Variants in CNTNAP4 observed in about 807,000 individuals in gnomAD.
CNTNAP4 encodes contactin-associated protein-like 4.
CNTNAP4 carries 98 observed loss-of-function variants against 148.4 expected under a neutral mutation model. The observed-to-expected ratio is 0.66, with a 90% confidence interval of 0.56 to 0.78. The LOEUF is 0.78. Ranked by LOEUF, CNTNAP4 falls within the 30% of genes least tolerant of loss-of-function variation. CNTNAP4 has a pLI of 0.00. For missense variants in CNTNAP4, 1,935 were observed against 1,565.6 expected, an observed-to-expected ratio of 1.24 and a Z score of -3.98; for synonymous variants, 730 against 565.1, an observed-to-expected ratio of 1.29 and a Z score of -4.14.
At chr16:76,465,414 T>C (rs766458467) in intron 9 of CNTNAP4, among the ~76,000 whole-genome samples, 9 of 152,216 alleles carry the variant, frequency 5.9e-5, no homozygotes, top group Non-Finnish European at 1.2e-4. Context: ...AATTGCCTCA[T>C]GATAGGATAG....
chr16:76,379,166 T>A (rs1405174166), intron 3 of CNTNAP4, among the ~76,000 whole-genome samples: 1 of 152,056 alleles, frequency 6.6e-6, no homozygotes, highest in Non-Finnish European at 1.5e-5. Flanking sequence ...GAGTCCTACT[T>A]TCTGGTACTT....
At chr16:76,411,792 A>G (rs1008361634) in intron 3 of CNTNAP4, among the ~76,000 whole-genome samples, 1 of 151,382 alleles carries the variant, frequency 6.6e-6, no homozygotes, top group Non-Finnish European at 1.5e-5. Flanking sequence ...TAGCATGCTT[A>G]TTTTCATGTA....
chr16:76,306,982 C>G (rs941022325), intron 1 of CNTNAP4, among the ~76,000 whole-genome samples: 2 of 152,014 alleles, frequency 1.3e-5, no homozygotes, highest in African/African-American at 4.8e-5. Flanking sequence ...GAATCCAGAC[C>G]CCATGTTTTC....
intron 21 of CNTNAP4, among the ~76,000 whole-genome samples, chr16:76,548,095 A>G (rs1271017059): frequency 2.0e-5 from 3 of 152,230 alleles, no homozygotes; most frequent in South Asian, 2.1e-4. Flanking sequence ...TTTCAAGTTT[A>G]TAACTCAGTA....
In CNTNAP4 at chr16:76,539,860, A is replaced by G; in HGVS notation, c.3354+8A>G. The G allele has an allele frequency of 6.4e-7, 1 of 1,558,374 alleles. No homozygotes were observed. The highest frequency in any genetic ancestry group is 8.6e-7 in the Non-Finnish European group (1 of 1,158,978). ...GGAGTGGTCTTTATAGAGGTAATGT[A>G]GTAAATTCAGCAGAAGCAATCATTT... is the stretch of plus-strand genomic sequence containing the variant. On this transcript the variant is annotated splice_region_variant and intron_variant, in intron 20 of 23. Coordinates refer to ENST00000611870, the MANE Select transcript of CNTNAP4 (RefSeq NM_033401.5).
chr16:76,391,682 A>T (rs1187315000), intron 3 of CNTNAP4, among the ~76,000 whole-genome samples: 1 of 152,216 alleles, frequency 6.6e-6, no homozygotes, highest in African/African-American at 2.4e-5. Flanking sequence ...ACAGTGTTGT[A>T]AGGAGCCCTC....
At chr16:76,401,233 C>G (rs775239381) in intron 3 of CNTNAP4, among the ~76,000 whole-genome samples, 5 of 152,012 alleles carry the variant, frequency 3.3e-5, no homozygotes, top group Non-Finnish European at 7.4e-5. Context: ...TTTTGTTACT[C>G]TCATTGTAGA....
At chr16:76,418,204 A>G (rs1437060340) in intron 3 of CNTNAP4, among the ~76,000 whole-genome samples, 2 of 151,470 alleles carry the variant, frequency 1.3e-5, no homozygotes, top group Non-Finnish European at 3.0e-5. Context: ...TCTTTGATCT[A>G]TTATCTTTTC....
intron 14 of CNTNAP4, among the ~76,000 whole-genome samples, chr16:76,497,651 C>T (rs977589444): frequency 1.4e-5 from 2 of 141,608 alleles, no homozygotes; most frequent in African/African-American, 5.3e-5. Context: ...ACAATGAGAA[C>T]ATAAGGACAT....
chr16:76,496,357 A>T (rs1021085835), intron 14 of CNTNAP4, among the ~76,000 whole-genome samples: 4 of 152,158 alleles, frequency 2.6e-5, no homozygotes, highest in Non-Finnish European at 5.9e-5. Flanking sequence ...CAATGCCTCC[A>T]TAACATATTG....
chr16:76,423,540 C>T (rs2079268556), intron 3 of CNTNAP4, among the ~76,000 whole-genome samples: 1 of 152,064 alleles, frequency 6.6e-6, no homozygotes, highest in African/African-American at 2.4e-5. Flanking sequence ...CCATGCATTC[C>T]TTTGTGAATT....
At chr16:76,520,390 A>G (rs2083409710) in intron 15 of CNTNAP4, among the ~76,000 whole-genome samples, 1 of 152,146 alleles carries the variant, frequency 6.6e-6, no homozygotes, top group Non-Finnish European at 1.5e-5. Flanking sequence ...ATTATAATTA[A>G]CTTTATAGTC....
chr16:76,522,212 G>C lies in CNTNAP4; in HGVS notation c.2710G>C (p.Ala904Pro). The C allele has an allele frequency of 1.9e-6, 3 of 1,613,894 alleles. No individual in the cohort carries two copies. The highest frequency in any genetic ancestry group is 2.5e-6 in the Non-Finnish European group (3 of 1,179,852). The change falls in exon 17 of 24, where the codon GCT becomes CCT. Residue 904 changes from alanine (A) to proline (P), a missense_variant. Ala to Pro is a conservative substitution (Grantham distance 27). Transcript: ENST00000611870. Reference sequence around the variant, plus strand: ...GACACCAAAGACACAGCCCGCCCCCGCTGATGGGCATGTCCTGTTACAGCT... The same window carrying C: ...GACACCAAAGACACAGCCCGCCCCCCCTGATGGGCATGTCCTGTTACAGCT... ...QLTPKTQPAP[A>P]DGHVLLQLNS...
At chr16:76,481,565 C>G (rs1053194187) in intron 12 of CNTNAP4, among the ~76,000 whole-genome samples, 2 of 151,780 alleles carry the variant, frequency 1.3e-5, no homozygotes, top group African/African-American at 2.4e-5. Flanking sequence ...TGCATTTTAA[C>G]TGCTTAATAG....
intron 15 of CNTNAP4, among the ~76,000 whole-genome samples, chr16:76,510,905 G>A (rs2082998746): frequency 6.6e-6 from 1 of 151,802 alleles, no homozygotes; most frequent in Non-Finnish European, 1.5e-5. Flanking sequence ...AGGCCATACT[G>A]GTTTTTTTCA....
Position 76,532,640 on chromosome 16 carries a change from C to T in CNTNAP4, c.2756-2905C>T, listed in dbSNP as rs114973673. ...GGGATAATACAAAGTAAATTAAATA[C>T]ACCAAGAGCACACCTTTAATTCAGA... is the stretch of plus-strand genomic sequence containing the variant. On this transcript the variant is annotated intron_variant, in intron 17 of 23. Coordinates refer to ENST00000611870, the MANE Select transcript of CNTNAP4 (RefSeq NM_033401.5). 4.7e-3 allele frequency among the ~76,000 whole-genome samples: 713 copies of T among 152,302 alleles called. 4 individuals carry two copies. Among genetic ancestry groups the T allele is most frequent in the African/African-American group, 0.017 (692 of 41,566 alleles).
intron 3 of CNTNAP4, among the ~76,000 whole-genome samples, chr16:76,398,663 A>G (rs1386664003): frequency 1.3e-5 from 2 of 152,176 alleles, no homozygotes; most frequent in African/African-American, 4.8e-5. Flanking sequence ...ATAACAGTGT[A>G]CACTCCCACC....
intron 2 of CNTNAP4, among the ~76,000 whole-genome samples, chr16:76,322,021 G>A (rs1226333629): frequency 1.3e-5 from 2 of 152,148 alleles, no homozygotes. Flanking sequence ...CACTGACTGA[G>A]TTTGTTGCAC....
intron 15 of CNTNAP4, among the ~76,000 whole-genome samples, chr16:76,508,863 C>T (rs1392798413): frequency 1.1e-5 from 1 of 92,520 alleles, no homozygotes; most frequent in African/African-American, 2.7e-5. Flanking sequence ...CGCCATTCTC[C>T]TGCCTCAGCC....
Sources: allele counts gnomAD v4.1 joint callset (sites outside exome capture counted in the v4.1 genomes callset), GRCh38; gene constraint gnomAD v4.1.1; transcripts MANE v1.5; gene names NCBI Gene and HGNC (gene_info 2026-07-23, HGNC 2026-07-21).